The following CSMD1 variants were observed in gnomAD, a reference collection of about 807,000 sequenced individuals.
CSMD1 encodes the protein CUB and sushi domain-containing protein 1.
A neutral mutation model predicts 417.5 loss-of-function variants in CSMD1; 213 were observed. The ratio of observed to expected loss-of-function variants is 0.51; its 90% CI spans 0.46 to 0.57. The LOEUF (loss-of-function observed/expected upper bound fraction) is 0.57. CSMD1 is among the 20% of genes least tolerant of loss of function. The probability of loss-of-function intolerance (pLI) is 0.00; values close to 1 mark genes in which losing one functional copy is unlikely to be tolerated. For missense variants in CSMD1, 6,923 were observed against 4,529.7 expected (o/e 1.53, Z -15.17); for synonymous variants, 2,862 against 1,736.8 (o/e 1.65, Z -16.11).
chr8:3,478,440 C>T (rs948785895), intron 11 of CSMD1, among the ~76,000 whole-genome samples: 1 of 152,034 alleles, frequency 6.6e-6, no homozygotes, highest in African/African-American at 2.4e-5. Flanking sequence ...TTTTTTCCTT[C>T]CCCCTCTGTG....
intron 5 of CSMD1, among the ~76,000 whole-genome samples, chr8:3,895,721 C>T (rs1431292980): frequency 6.6e-6 from 1 of 152,092 alleles, no homozygotes; most frequent in Non-Finnish European, 1.5e-5. Flanking sequence ...AATTTATTTG[C>T]TTGTTCTTTC....
chr8:2,974,942 T>G (rs916158467), intron 55 of CSMD1, among the ~76,000 whole-genome samples: 4 of 152,204 alleles, frequency 2.6e-5, no homozygotes, highest in Non-Finnish European at 5.9e-5. Flanking sequence ...CTTAACTATA[T>G]TCCAAATGAA....
intron 5 of CSMD1, among the ~76,000 whole-genome samples, chr8:3,965,715 T>G (rs1812638640): frequency 6.6e-6 from 1 of 152,144 alleles, no homozygotes; most frequent in African/African-American, 2.4e-5. Flanking sequence ...CCTCCCACTT[T>G]CCGGAGATTC....
intron 5 of CSMD1, among the ~76,000 whole-genome samples, chr8:3,828,581 G>C (rs569688375): frequency 1.3e-5 from 2 of 151,996 alleles, no homozygotes; most frequent in Non-Finnish European, 2.9e-5. Context: ...GACTCTCTCT[G>C]CAAAGCATTC....
chr8:3,779,931 A>T (rs759947072), intron 5 of CSMD1, among the ~76,000 whole-genome samples: 1 of 152,166 alleles, frequency 6.6e-6, no homozygotes, highest in Non-Finnish European at 1.5e-5. Context: ...TGCTTGTCTT[A>T]ACCTTTAAAT....
chr8:3,210,058 A>C (rs994066674), intron 30 of CSMD1, among the ~76,000 whole-genome samples: 6 of 152,318 alleles, frequency 3.9e-5, no homozygotes, highest in Middle Eastern at 3.4e-3. Context: ...ATCTAAAACA[A>C]ACTGCCCCAA....
At chr8:4,946,061 T>A (rs189426008) in intron 1 of CSMD1, among the ~76,000 whole-genome samples, 85 of 152,260 alleles carry the variant, frequency 5.6e-4, no homozygotes, top group Non-Finnish European at 6.6e-4. Context: ...TCCTTCAGCA[T>A]TGCCGCTGGC....
At chr8:4,414,738 T>C (rs1336909820) in intron 3 of CSMD1, among the ~76,000 whole-genome samples, 5 of 152,326 alleles carry the variant, frequency 3.3e-5, no homozygotes, top group Non-Finnish European at 7.4e-5. Context: ...TAAGTTGTGG[T>C]TGAGTTCAGA....
intron 1 of CSMD1, among the ~76,000 whole-genome samples, chr8:4,639,503 G>A (rs979050666): frequency 9.2e-5 from 14 of 152,072 alleles, no homozygotes; most frequent in African/African-American, 2.4e-4. Flanking sequence ...TAAGTAGCTC[G>A]CAAAAACTGT....
intron 1 of CSMD1, among the ~76,000 whole-genome samples, chr8:4,846,599 G>T (rs1242964291): frequency 6.6e-6 from 1 of 152,194 alleles, no homozygotes; most frequent in Non-Finnish European, 1.5e-5. Context: ...AGGAGGCTCA[G>T]CCTTGGTGAC....
intron 4 of CSMD1, among the ~76,000 whole-genome samples, chr8:4,025,103 G>A (rs1013171111): frequency 1.3e-5 from 2 of 152,178 alleles, no homozygotes; most frequent in African/African-American, 4.8e-5. Context: ...GGAATAAAAG[G>A]GGACACCGAA....
chr8:4,531,426 T>A (rs527869079), intron 2 of CSMD1, among the ~76,000 whole-genome samples: 2 of 152,332 alleles, frequency 1.3e-5, no homozygotes, highest in East Asian at 3.9e-4. Flanking sequence ...ACTCTATTGA[T>A]TGCTTTCGGT....
At chr8:4,954,293 C>T (rs1177474478) in intron 1 of CSMD1, among the ~76,000 whole-genome samples, 1 of 152,088 alleles carries the variant, frequency 6.6e-6, no homozygotes, top group South Asian at 2.1e-4. Flanking sequence ...AACAGAGGTG[C>T]AAATAACAGG....
intron 1 of CSMD1, chr8:4,788,184 G>C: frequency 6.3e-7 from 1 of 1,594,762 alleles, no homozygotes; most frequent in African/African-American, 1.3e-5. Flanking sequence ...TGGAAATTTT[G>C]GCATTCCATG....
chr8:4,919,248 C>G (rs1157639674), intron 1 of CSMD1, among the ~76,000 whole-genome samples: 1 of 152,140 alleles, frequency 6.6e-6, no homozygotes, highest in Non-Finnish European at 1.5e-5. Flanking sequence ...CAGAAATAAT[C>G]TCTTGCCCAA....
chr8:2,988,734 G>T (rs983078402), intron 54 of CSMD1, among the ~76,000 whole-genome samples: 3 of 152,144 alleles, frequency 2.0e-5, no homozygotes, highest in Admixed American at 6.5e-5. Flanking sequence ...CAAAGATAGT[G>T]TTACTGGGTT....
intron 1 of CSMD1, among the ~76,000 whole-genome samples, chr8:4,741,917 T>G (rs1041886782): frequency 2.0e-5 from 3 of 150,154 alleles, no homozygotes; most frequent in Non-Finnish European, 4.4e-5. Flanking sequence ...CACTGCAGCT[T>G]CGACTTCCTG....
chr8:3,411,953 TAC>T (rs1181610466), intron 12 of CSMD1, among the ~76,000 whole-genome samples: 5 of 64,790 alleles, frequency 7.7e-5, no homozygotes, highest in Admixed American at 1.6e-4. Flanking sequence ...CACGTATATA[TAC>T]ACGTATATAT....
At chr8:4,874,447 T>A (rs1802920987) in intron 1 of CSMD1, among the ~76,000 whole-genome samples, 1 of 147,084 alleles carries the variant, frequency 6.8e-6, no homozygotes. Context: ...TGGCATGCAG[T>A]GTTCCATTCT....
Sources: gnomAD v4.1 joint callset for allele counts (sites outside exome capture counted in the v4.1 genomes callset) on GRCh38, gnomAD v4.1.1 for gene constraint, MANE v1.5 for transcripts, NCBI Gene and HGNC (gene_info 2026-07-23, HGNC 2026-07-21) for gene names.